The following ANAPC1 variants were observed in gnomAD, a reference collection of about 807,000 sequenced individuals.
ANAPC1 encodes anaphase promoting complex subunit 1, also known as anaphase-promoting complex subunit 1.
ANAPC1 carries 36 observed loss-of-function variants against 208.0 expected under a neutral mutation model. That is an observed-to-expected ratio of 0.17 (90% CI 0.13 to 0.23). ANAPC1 has a LOEUF of 0.23. ANAPC1 is among the 10% of genes least tolerant of loss of function. The pLI, the probability that ANAPC1 is intolerant of heterozygous loss-of-function variation, is 1.00. For synonymous variants in ANAPC1, 378 were observed against 695.2 expected (o/e 0.54, Z 7.18); for missense variants, 942 against 2,011.6 (o/e 0.47, Z 10.17).
Position 111,868,723 on chromosome 2 carries a change from G to A in ANAPC1, c.612-627C>T, listed in dbSNP as rs1291262807. On this transcript the variant is annotated intron_variant, in intron 6 of 47. Transcript: ENST00000341068. The stretch of plus-strand genomic sequence containing the variant: ...TTTTTTTGTATTTTTAGTAGAGACG[G>A]GGTTTCACCATGTTGGCCAGGCTGG... Among the ~76,000 whole-genome samples the A allele has an allele frequency of 2.6e-5, 4 of 152,096 alleles. No individual in the cohort carries two copies. The East Asian group carries it at 7.7e-4, about 29-fold the overall frequency.
intron 21 of ANAPC1, among the ~76,000 whole-genome samples, chr2:111,827,332 G>A (rs549830385): frequency 7.3e-4 from 111 of 152,206 alleles, no homozygotes; most frequent in Non-Finnish European, 1.3e-3. Context: ...TATTAAATGA[G>A]AAAACATACA....
At chr2:111,831,237 T>C in intron 21 of ANAPC1, 49 bp downstream of exon 21, 1 of 1,545,694 alleles carries the variant, frequency 6.5e-7, no homozygotes, top group Non-Finnish European at 8.7e-7. Flanking sequence ...TTTTTAAAAC[T>C]AAATTTTAAA....
intron 16 of ANAPC1, 107 bp from the exon 17 acceptor site, chr2:111,843,706 T>C (rs1266661960): frequency 2.0e-5 from 18 of 890,150 alleles, no homozygotes; most frequent in Non-Finnish European, 6.7e-6. Flanking sequence ...CCAATTATTA[T>C]GAAAAGAAAA....
chr2:111,791,411 T>C (rs1285582772), intron 38 of ANAPC1, among the ~76,000 whole-genome samples: 5 of 149,454 alleles, frequency 3.3e-5, no homozygotes, highest in African/African-American at 1.2e-4. Context: ...GTACAACCTA[T>C]GACCCAATTC....
At chr2:111,877,758 T>C (rs188044068) in intron 3 of ANAPC1, among the ~76,000 whole-genome samples, 4,170 of 152,220 alleles carry the variant, frequency 0.027, 187 homozygotes, top group African/African-American at 0.094. Flanking sequence ...CACTCCAGCC[T>C]GGGTGACAGA....
intron 15 of ANAPC1, 67 bp downstream of exon 15, chr2:111,847,658 T>A: frequency 1.5e-6 from 2 of 1,329,006 alleles, no homozygotes; most frequent in Non-Finnish European, 2.0e-6. Flanking sequence ...TCAGACAAAA[T>A]TCTGTATTCT....
At chr2:111,838,882 G>T (rs1680615288) in intron 17 of ANAPC1, among the ~76,000 whole-genome samples, 1 of 152,148 alleles carries the variant, frequency 6.6e-6, no homozygotes, top group African/African-American at 2.4e-5. Context: ...CCCAATATCA[G>T]TCAAATGTTA....
chr2:111,781,970 G>A (rs1216969822), intron 43 of ANAPC1, among the ~76,000 whole-genome samples: 5 of 152,258 alleles, frequency 3.3e-5, no homozygotes, highest in African/African-American at 1.2e-4. Flanking sequence ...GAAACAAATG[G>A]TGGTTTTTAA....
At chr2:111,868,247 T>G in intron 6 of ANAPC1, 151 bp from the exon 7 acceptor site, 1 of 524,814 alleles carries the variant, frequency 1.9e-6, no homozygotes, top group Non-Finnish European at 3.4e-6. Context: ...TACATACTAT[T>G]TTTCACATTG....
At chr2:111,828,054 T>G (rs1370968005) in intron 21 of ANAPC1, among the ~76,000 whole-genome samples, 1 of 151,992 alleles carries the variant, frequency 6.6e-6, no homozygotes, top group Non-Finnish European at 1.5e-5. Context: ...ATCTGACACA[T>G]TAATATCTAG....
At chr2:111,828,157 G>A (rs978859762) in intron 21 of ANAPC1, among the ~76,000 whole-genome samples, 1 of 151,866 alleles carries the variant, frequency 6.6e-6, no homozygotes, top group African/African-American at 2.4e-5. Context: ...ATACGTAAAT[G>A]GCCAATAAAC....
At chr2:111,825,608 C>T (rs1679789928) in intron 22 of ANAPC1, among the ~76,000 whole-genome samples, 169 bp downstream of exon 22, 1 of 152,138 alleles carries the variant, frequency 6.6e-6, no homozygotes, top group Admixed American at 6.5e-5. Context: ...TTTAAGTAAT[C>T]CTGATACCTG....
chr2:111,877,818 T>TAATAAA (rs1409676776), intron 3 of ANAPC1, among the ~76,000 whole-genome samples: 3 of 151,982 alleles, frequency 2.0e-5, no homozygotes, highest in African/African-American at 4.8e-5. Context: ...ATAATAATAA[T>TAATAAA]AATAAAGCTT....
At chr2:111,874,587 A>G (rs1682927335) in intron 3 of ANAPC1, among the ~76,000 whole-genome samples, 1 of 152,264 alleles carries the variant, frequency 6.6e-6, no homozygotes, top group East Asian at 1.9e-4. Context: ...CCATGTTATG[A>G]CATGTATCAG....
intron 5 of ANAPC1, 47 bp from the exon 6 acceptor site, chr2:111,872,759 C>G (rs1172755768): frequency 2.5e-6 from 3 of 1,223,508 alleles, no homozygotes; most frequent in Non-Finnish European, 3.6e-6. Flanking sequence ...AGAACCTACC[C>G]CTTTATAAAA....
intron 3 of ANAPC1, among the ~76,000 whole-genome samples, chr2:111,878,353 T>G (rs1251434544): frequency 6.6e-6 from 1 of 152,214 alleles, no homozygotes; most frequent in African/African-American, 2.4e-5. Flanking sequence ...ATTCTTTCCC[T>G]TTCATTATCA....
At chr2:111,839,291 G>C (rs1379475113) in intron 17 of ANAPC1, among the ~76,000 whole-genome samples, 1 of 152,186 alleles carries the variant, frequency 6.6e-6, no homozygotes, top group African/African-American at 2.4e-5. Flanking sequence ...TTTTTATTGT[G>C]TTTGAGCCAT....
intron 2 of ANAPC1, among the ~76,000 whole-genome samples, chr2:111,879,410 T>G (rs1023562595): frequency 6.6e-6 from 1 of 152,196 alleles, no homozygotes; most frequent in Non-Finnish European, 1.5e-5. Context: ...CACCTTCTTT[T>G]CCTTTGTCCC....
intron 12 of ANAPC1, 30 bp downstream of exon 12, chr2:111,856,766 T>C (rs7569908): frequency 1.4e-5 from 22 of 1,613,522 alleles, no homozygotes; most frequent in Middle Eastern, 1.7e-4. Context: ...TGAAGCGTAA[T>C]TGTCAACTTC....
Sources: allele counts gnomAD v4.1 joint callset (sites outside exome capture counted in the v4.1 genomes callset), GRCh38; gene constraint gnomAD v4.1.1; transcripts MANE v1.5; gene names NCBI Gene and HGNC (gene_info 2026-07-23, HGNC 2026-07-21).